Variants in GPC6 observed in about 807,000 individuals in gnomAD.
GPC6 encodes the protein glypican-6.
Under a neutral mutation model 55.2 loss-of-function variants are expected in GPC6, and 14 were observed. The observed-to-expected ratio is 0.25, with a 90% CI of 0.17 to 0.40. GPC6 has a LOEUF of 0.40. Ranked by LOEUF, GPC6 falls within the 10% of genes least tolerant of loss-of-function variation. The pLI is 1.00. For missense variants in GPC6, 641 were observed against 708.5 expected, an observed-to-expected ratio of 0.90 and a Z score of 1.08; for synonymous variants, 278 against 259.6, an observed-to-expected ratio of 1.07 and a Z score of -0.68.
At chr13:93,561,389 T>C (rs1243874555) in intron 2 of GPC6, among the ~76,000 whole-genome samples, 1 of 93,640 alleles carries the variant, frequency 1.1e-5, no homozygotes, top group East Asian at 2.1e-4. Flanking sequence ...AATAATTGCA[T>C]ACTATATCCC....
intron 4 of GPC6, among the ~76,000 whole-genome samples, chr13:94,181,557 C>G (rs1408560138): frequency 6.6e-6 from 1 of 152,182 alleles, no homozygotes; most frequent in African/African-American, 2.4e-5. Context: ...TGGAAGAAGA[C>G]AGTCAGGCCC....
At chr13:93,709,437 C>T (rs1398879080) in intron 2 of GPC6, among the ~76,000 whole-genome samples, 1 of 151,692 alleles carries the variant, frequency 6.6e-6, no homozygotes, top group East Asian at 1.9e-4. Flanking sequence ...TAGAATTAGG[C>T]AGCATTATTC....
At chr13:93,943,719 G>A (rs534077010) in intron 3 of GPC6, among the ~76,000 whole-genome samples, 2 of 152,078 alleles carry the variant, frequency 1.3e-5, no homozygotes, top group African/African-American at 4.8e-5. Context: ...CTTCAGTCCT[G>A]TTTCTCACTG....
chr13:94,391,205 A>C (rs1408758484), intron 7 of GPC6, among the ~76,000 whole-genome samples: 1 of 152,234 alleles, frequency 6.6e-6, no homozygotes, highest in African/African-American at 2.4e-5. Flanking sequence ...TTTTCTGAAC[A>C]TGAATTCAGG....
At chr13:93,725,102 G>A (rs1478586444) in intron 2 of GPC6, among the ~76,000 whole-genome samples, 1 of 152,016 alleles carries the variant, frequency 6.6e-6, no homozygotes, top group Non-Finnish European at 1.5e-5. Flanking sequence ...GCTAGGTTTA[G>A]TCATTTTTAA....
intron 4 of GPC6, among the ~76,000 whole-genome samples, chr13:94,143,873 A>G (rs1014069129): frequency 6.6e-6 from 1 of 152,202 alleles, no homozygotes; most frequent in African/African-American, 2.4e-5. Flanking sequence ...CCTGGGTGAC[A>G]GTGAGATCTT....
intron 4 of GPC6, among the ~76,000 whole-genome samples, chr13:94,123,504 G>C (rs1012802708): frequency 1.3e-5 from 2 of 151,912 alleles, no homozygotes; most frequent in African/African-American, 4.8e-5. Flanking sequence ...GTCATCTCTT[G>C]TTGCATAAGG....
intron 4 of GPC6, among the ~76,000 whole-genome samples, chr13:94,136,340 G>A (rs1363661378): frequency 2.6e-5 from 4 of 152,158 alleles, no homozygotes; most frequent in Admixed American, 6.5e-5. Flanking sequence ...CAAGAGAGTG[G>A]CGATAAGAGG....
At chr13:93,451,079 T>C (rs1251640992) in intron 1 of GPC6, among the ~76,000 whole-genome samples, 1 of 152,130 alleles carries the variant, frequency 6.6e-6, no homozygotes, top group Non-Finnish European at 1.5e-5. Context: ...TGGATAAGTT[T>C]AAGAGAGAGA....
intron 4 of GPC6, among the ~76,000 whole-genome samples, chr13:94,179,105 T>A (rs1023951092): frequency 6.6e-6 from 1 of 152,200 alleles, no homozygotes; most frequent in African/African-American, 2.4e-5. Context: ...AACCCCATGG[T>A]TGGTAGGCAC....
chr13:93,816,511 C>G (rs1256577398), intron 2 of GPC6, among the ~76,000 whole-genome samples: 3 of 150,684 alleles, frequency 2.0e-5, no homozygotes, highest in African/African-American at 7.3e-5. Flanking sequence ...TGTTTACCTT[C>G]TGCCCTCTTT....
Position 93,935,140 on chromosome 13 carries a change from G to A in GPC6, c.712-92589G>A, listed in dbSNP as rs1594600959. ...GTTTTTTTAATTTTAGGTTTGGGTG[G>A]TACATTTGCATGTTTGTTACATGGG... On this transcript the variant is annotated intron_variant, in intron 3 of 8. Coordinates refer to ENST00000377047, the MANE Select transcript of GPC6 (RefSeq NM_005708.5). Among the ~76,000 whole-genome samples the A allele has an allele frequency of 2.0e-5, 3 of 151,970 alleles. No individual in the cohort carries two copies. The South Asian group carries it at 6.2e-4, about 32-fold the overall frequency.
intron 1 of GPC6, among the ~76,000 whole-genome samples, chr13:93,523,000 A>G (rs992005344): frequency 2.7e-5 from 3 of 109,270 alleles, no homozygotes; most frequent in Non-Finnish European, 4.2e-5. Flanking sequence ...GATCAAAAAG[A>G]AAGAGGGAAA....
At chr13:93,335,368 G>A (rs777556582) in intron 1 of GPC6, among the ~76,000 whole-genome samples, 5 of 151,980 alleles carry the variant, frequency 3.3e-5, no homozygotes, top group Non-Finnish European at 1.5e-5. Context: ...TTTCATTCAC[G>A]GTGTTTCATT....
intron 8 of GPC6, among the ~76,000 whole-genome samples, chr13:94,401,926 T>TGTG: frequency 7.5e-6 from 1 of 133,062 alleles, no homozygotes; most frequent in Admixed American, 7.7e-5. Context: ...AGCCAGACCC[T>TGTG]ATGATTGATT....
intron 1 of GPC6, among the ~76,000 whole-genome samples, chr13:93,276,141 T>G (rs1424634918): frequency 6.6e-6 from 1 of 152,218 alleles, no homozygotes; most frequent in Non-Finnish European, 1.5e-5. Flanking sequence ...CCCAAAGGGC[T>G]GGGATTACAG....
At chr13:94,228,996 A>G (rs1228334278) in intron 4 of GPC6, among the ~76,000 whole-genome samples, 1 of 152,194 alleles carries the variant, frequency 6.6e-6, no homozygotes, top group Non-Finnish European at 1.5e-5. Context: ...TAAATATGGT[A>G]ATGTGAAACA....
intron 7 of GPC6, among the ~76,000 whole-genome samples, chr13:94,386,629 T>A (rs12877938): frequency 0.094 from 14,377 of 152,176 alleles, 793 homozygotes; most frequent in East Asian, 0.27. Context: ...ATAATTTTTT[T>A]AAAAAATCCA....
chr13:93,565,008 G>C lies in GPC6; in HGVS notation c.319+19587G>C, dbSNP rs559910541. The stretch of plus-strand genomic sequence containing the variant: ...AAAGAAAACAAAAAACATTCCCTCA[G>C]AATGTAGCATTTTTGTCAATTTCCC... On this transcript the variant is annotated intron_variant, in intron 2 of 8. Transcript: ENST00000377047. Among the ~76,000 whole-genome samples the C allele has an allele frequency of 2.0e-5, 3 of 152,274 alleles. No individual in the cohort carries two copies. In the East Asian group the frequency reaches 5.8e-4, roughly 29 times the overall value.
Sources: allele counts gnomAD v4.1 joint callset (sites outside exome capture counted in the v4.1 genomes callset), GRCh38; gene constraint gnomAD v4.1.1; transcripts MANE v1.5; gene names NCBI Gene and HGNC (gene_info 2026-07-23, HGNC 2026-07-21).